Variants in PSG4 observed in about 807,000 individuals in gnomAD.
PSG4 encodes pregnancy-specific beta-1-glycoprotein 4.
Under a neutral mutation model 44.3 loss-of-function variants are expected in PSG4, and 61 were observed. That is an observed-to-expected ratio of 1.38 (90% confidence interval 1.12 to 1.70). The LOEUF is 1.70. Ranked by LOEUF, PSG4 falls within the 40% of genes most tolerant of loss-of-function variation. The pLI is 0.00. For missense variants in PSG4, 677 were observed against 511.7 expected, an observed-to-expected ratio of 1.32 and a Z score of -3.12; for synonymous variants, 248 against 191.3, an observed-to-expected ratio of 1.30 and a Z score of -2.45.
At chr19:43,202,892 AGAG>A (rs1967582589) in intron 2 of PSG4, among the ~76,000 whole-genome samples, 1 of 144,418 alleles carries the variant, frequency 6.9e-6, no homozygotes. Flanking sequence ...CTGGTGGAGG[AGAG>A]GAAGGGCCTG....
At chr19:43,205,340 CTCCTGA>C (rs1402796973) in intron 1 of PSG4, 127 bp downstream of exon 1, 1 of 1,129,310 alleles carries the variant, frequency 8.9e-7, no homozygotes, top group Non-Finnish European at 1.2e-6. Context: ...AACTCCTGAT[CTCCTGA>C]TCCACCCAAC....
In PSG4 at chr19:43,205,587, G is replaced by T. The variant is rs1161297927; in HGVS notation, c.-51C>A. 1 of 1,490,772 alleles carries T rather than the reference G, an allele frequency of 6.7e-7. No individual in the cohort carries two copies. Among genetic ancestry groups the T allele is most frequent in the East Asian group, 3.4e-5 (1 of 29,820 alleles). 92.3% of individuals were successfully genotyped at this position (1,490,772 alleles called of 1,614,324 possible). ...TCTGTGGAGATAAGCCTAGGATCCA[G>T]AAGCTTCCTGAGTACGGCTGTCAGC... On this transcript the variant is annotated 5_prime_UTR_variant, in exon 1 of 6. The change creates a new upstream start codon in the 5' untranslated region. Coordinates refer to ENST00000405312, the MANE Select transcript of PSG4 (RefSeq NM_002780.5).
At chr19:43,201,036 A>C (rs1568388233) in intron 2 of PSG4, among the ~76,000 whole-genome samples, 1 of 145,874 alleles carries the variant, frequency 6.9e-6, no homozygotes. Flanking sequence ...GTGATACAGG[A>C]GAAATGAGTC....
rs1447161918 is a variant in PSG4, at chr19:43,204,389, G to T, written c.65-138C>A. On this transcript the variant is annotated intron_variant, in intron 1 of 5. Transcript: ENST00000405312. ...ATACAAACACATACACACACTAAAGGGGCGTGAGTGTATGTGTGTGTGTCC... is the reference window on the plus strand; with the variant it reads ...ATACAAACACATACACACACTAAAGTGGCGTGAGTGTATGTGTGTGTGTCC... 24 of 1,178,562 alleles carry T rather than the reference G, an allele frequency of 2.0e-5. 1 individual carries two copies. The highest frequency in any genetic ancestry group is 2.6e-5 in the Non-Finnish European group (22 of 855,580). The allele number at this position is 1,178,562 out of a possible 1,614,324, so 73.0% of individuals were successfully genotyped here.
chr19:43,202,423 C>T (rs1466611353), intron 2 of PSG4, among the ~76,000 whole-genome samples: 1 of 144,666 alleles, frequency 6.9e-6, no homozygotes, highest in African/African-American at 2.7e-5. Flanking sequence ...GGGTGTCAGC[C>T]TCTGAAGGAC....
chr19:43,194,125 C>A, intron 5 of PSG4: 1 of 1,372,556 alleles, frequency 7.3e-7, no homozygotes. Context: ...GTTTCTCCTG[C>A]TTGGTCTAGG....
chr19:43,205,413 G>C lies in PSG4; in HGVS notation c.64+60C>G, dbSNP rs146894263. The C allele has an allele frequency of 1.6e-5, 24 of 1,468,722 alleles. 2 individuals carry two copies. Among genetic ancestry groups the C allele is most frequent in the Non-Finnish European group, 2.0e-5 (22 of 1,083,846 alleles). 91.0% of individuals were successfully genotyped at this position (1,468,722 alleles called of 1,614,324 possible). On this transcript the variant is annotated intron_variant, in intron 1 of 5. Coordinates refer to ENST00000405312, the MANE Select transcript of PSG4 (RefSeq NM_002780.5). ...TTTCAGAACCCCATCCTCTCCAGGA[G>C]ACCCCATCCAGTCACTCTGCTTCCT... is the stretch of plus-strand genomic sequence containing the variant.
chr19:43,196,647 G>T (rs1035415867), intron 3 of PSG4: 7 of 151,074 alleles, frequency 4.6e-5, no homozygotes, highest in Non-Finnish European at 8.8e-5. Flanking sequence ...CTCTCACCAC[G>T]TTTCTAGCTT....
intron 5 of PSG4, chr19:43,194,083 T>C: frequency 8.4e-7 from 1 of 1,196,664 alleles, no homozygotes; most frequent in Admixed American, 2.9e-5. Context: ...AATATTATCC[T>C]CAATATTGTC....
rs147299450 is a variant in PSG4, at chr19:43,204,060, C to T, written c.256G>A (p.Gly86Ser). ...YHYITSYVVD[G>S]QRIIYGPAYS... is the part of the protein sequence containing the mutation. The stretch of plus-strand genomic sequence containing the variant: ...GCAGGCCCATATATAATTCTTTGAC[C>T]GTCTACTACATATGATGTAATGTAA... Residue 86 changes from glycine to serine, a missense_variant, in exon 2 of 6, where the codon GGT becomes AGT. Gly to Ser is a moderately conservative substitution (Grantham distance 56). Coordinates refer to ENST00000405312, the MANE Select transcript of PSG4 (RefSeq NM_002780.5). 29 of 1,586,322 alleles carry T rather than the reference C, an allele frequency of 1.8e-5. 2 individuals carry two copies. In the Middle Eastern group the frequency reaches 5.0e-4, roughly 27 times the overall value.
Position 43,194,296 on chromosome 19 carries a change from C to A in PSG4, c.1243+44G>T, listed in dbSNP as rs771430889. On this transcript the variant is annotated intron_variant, in intron 5 of 5. Transcript: ENST00000405312. The stretch of plus-strand genomic sequence containing the variant: ...CACTCTTCCCTGAATGCCAGATAGA[C>A]TCCACCTAAATCCCTATTGCCAAGG... 3 of 1,611,430 alleles carry A rather than the reference C, an allele frequency of 1.9e-6. No individual in the cohort carries two copies. In the East Asian group the frequency reaches 6.7e-5, roughly 36 times the overall value.
intron 3 of PSG4, among the ~76,000 whole-genome samples, chr19:43,197,104 A>C (rs1967283645): frequency 1.4e-5 from 2 of 145,984 alleles, no homozygotes; most frequent in African/African-American, 5.2e-5. Context: ...GTTAATGTGA[A>C]TTGAAATTAT....
At chr19:43,195,392 T>TA (rs1967198847) in intron 3 of PSG4, 119 bp from the exon 4 acceptor site, 7 of 1,457,114 alleles carry the variant, frequency 4.8e-6, no homozygotes, top group Non-Finnish European at 6.5e-6. Flanking sequence ...TGAAAGCCAA[T>TA]AGCTGGTGCT....
rs150596916 is a variant in PSG4, at chr19:43,194,457, C to G, written c.1126G>C (p.Gly376Arg). The change falls in exon 5 of 6, where the codon GGA becomes CGA. Residue 376 changes from glycine (G) to arginine (R), a missense_variant. Coordinates refer to ENST00000405312, the MANE Select transcript of PSG4 (RefSeq NM_002780.5). ...WTINGKFQLSGQKLSIPQITT... is the reference protein window; with the variant it reads ...WTINGKFQLSRQKLSIPQITT... ...ATTTGGGGGATAGAGAGCTTTTGTC[C>G]TGATAGCTGAAACTTCCCATTAATT... is the stretch of plus-strand genomic sequence containing the variant. The G allele has an allele frequency of 1.2e-6, 2 of 1,612,446 alleles. No individual in the cohort carries two copies. Among genetic ancestry groups the G allele is most frequent in the African/African-American group, 1.3e-5 (1 of 74,660 alleles).
chr19:43,196,497 G>A (rs1406291738), intron 3 of PSG4: 1 of 151,546 alleles, frequency 6.6e-6, no homozygotes, highest in African/African-American at 2.4e-5. Context: ...TGAAATATTT[G>A]TCATATGCTT....
At chr19:43,205,178 G>C (rs1169718797) in intron 1 of PSG4, among the ~76,000 whole-genome samples, 1 of 123,752 alleles carries the variant, frequency 8.1e-6, no homozygotes, top group Admixed American at 8.9e-5. Flanking sequence ...TGCTATCTTG[G>C]CTAGCTGCAA....
chr19:43,204,424 A>C, intron 1 of PSG4, 173 bp from the exon 2 acceptor site: 1 of 940,122 alleles, frequency 1.1e-6, no homozygotes. Flanking sequence ...CTACTGTCCC[A>C]CTAGGTCAAG....
At chr19:43,201,613 C>G (rs371072595) in intron 2 of PSG4, among the ~76,000 whole-genome samples, 5 of 144,812 alleles carry the variant, frequency 3.5e-5, no homozygotes, top group Non-Finnish European at 6.0e-5. Flanking sequence ...TTTCCCTCCG[C>G]CCGCATGATT....
At chr19:43,205,253 G>C (rs548465325) in intron 1 of PSG4, among the ~76,000 whole-genome samples, 1 of 142,580 alleles carries the variant, frequency 7.0e-6, no homozygotes, top group Non-Finnish European at 1.5e-5. Context: ...GATTACAGGA[G>C]CACACCACTA....
Sources: gnomAD v4.1 joint callset for allele counts (sites outside exome capture counted in the v4.1 genomes callset) on GRCh38, gnomAD v4.1.1 for gene constraint, MANE v1.5 for transcripts, NCBI Gene and HGNC (gene_info 2026-07-23, HGNC 2026-07-21) for gene names.